The following PCDHA2 variants were observed in gnomAD, a reference collection of about 807,000 sequenced individuals.
PCDHA2 encodes the protein protocadherin alpha 2.
Under a neutral mutation model 66.0 loss-of-function variants are expected in PCDHA2, and 58 were observed. That is an observed-to-expected ratio of 0.88 (90% CI 0.71 to 1.09). PCDHA2 has a LOEUF of 1.09. PCDHA2 is among the 50% of genes least tolerant of loss of function. PCDHA2 has a pLI of 0.00. For synonymous variants in PCDHA2, 634 were observed against 554.0 expected (o/e 1.14, Z -2.03); for missense variants, 1,267 against 1,242.3 (o/e 1.02, Z -0.30).
chr5:140,905,248 C>A (rs143714633), intron 1 of PCDHA2, among the ~76,000 whole-genome samples: 43 of 152,208 alleles, frequency 2.8e-4, no homozygotes, highest in African/African-American at 8.7e-4. Context: ...TTCATTCTTC[C>A]ACATGAGGCT....
At chr5:140,966,267 G>T (rs141363782) in intron 1 of PCDHA2, 112 of 351,092 alleles carry the variant, frequency 3.2e-4, no homozygotes, top group Non-Finnish European at 4.7e-4. Context: ...GAGACTGGAT[G>T]AACTGGACAG....
At chr5:140,827,339 T>C (rs1769253765) in intron 1 of PCDHA2, among the ~76,000 whole-genome samples, 1 of 152,120 alleles carries the variant, frequency 6.6e-6, no homozygotes, top group Non-Finnish European at 1.5e-5. Context: ...AGTGGTGAAG[T>C]ATATGAAAAG....
At chr5:140,851,471 A>C in intron 1 of PCDHA2, 1 of 893,552 alleles carries the variant, frequency 1.1e-6, no homozygotes, top group African/African-American at 1.8e-5. Context: ...ATGTCAATAA[A>C]TGTTATAAAC....
intron 1 of PCDHA2, chr5:140,809,026 G>A (rs781872778): frequency 1.9e-6 from 3 of 1,613,446 alleles, no homozygotes; most frequent in Middle Eastern, 1.7e-4. Context: ...AGCTGCAGCC[G>A]GGGACTGGTG....
intron 1 of PCDHA2, among the ~76,000 whole-genome samples, chr5:140,837,365 T>C (rs1775021898): frequency 6.6e-6 from 1 of 152,028 alleles, no homozygotes; most frequent in African/African-American, 2.4e-5. Context: ...GGCAGTTTAA[T>C]AGTATTTTTT....
chr5:140,840,271 T>A (rs2150305298), intron 1 of PCDHA2, among the ~76,000 whole-genome samples: 3 of 152,098 alleles, frequency 2.0e-5, no homozygotes, highest in Non-Finnish European at 4.4e-5. Flanking sequence ...TTTTAATGAT[T>A]TGGGTTTTGG....
chr5:140,968,477 G>T, intron 1 of PCDHA2: 1 of 1,614,112 alleles, frequency 6.2e-7, no homozygotes, highest in Non-Finnish European at 8.5e-7. Flanking sequence ...ATATGTGGTG[G>T]ACATGAATGA....
chr5:140,945,828 A>T (rs2093847646), intron 1 of PCDHA2, among the ~76,000 whole-genome samples: 1 of 152,176 alleles, frequency 6.6e-6, no homozygotes, highest in Admixed American at 6.5e-5. Flanking sequence ...TACAAAAGTC[A>T]ACTCAAAATG....
intron 1 of PCDHA2, chr5:140,809,735 A>C: frequency 1.4e-6 from 1 of 727,052 alleles, no homozygotes; most frequent in Non-Finnish European, 2.2e-6. Context: ...CATCAGAGCA[A>C]TATATATTGC....
chr5:140,968,293 G>A, intron 1 of PCDHA2: 1 of 1,613,962 alleles, frequency 6.2e-7, no homozygotes, highest in South Asian at 1.1e-5. Flanking sequence ...ACTCCCTTCT[G>A]GAGAGGGAGA....
chr5:140,951,863 C>T (rs991949987), intron 1 of PCDHA2, among the ~76,000 whole-genome samples: 10 of 152,096 alleles, frequency 6.6e-5, no homozygotes, highest in Non-Finnish European at 7.3e-5. Flanking sequence ...TCCAAAGTCT[C>T]ATCTGAGACA....
chr5:140,809,401 G>T, intron 1 of PCDHA2: 3 of 1,614,182 alleles, frequency 1.9e-6, no homozygotes, highest in Non-Finnish European at 2.5e-6. Context: ...GCAAGCCCAC[G>T]CTGGTGTGCT....
At chr5:140,931,975 T>C (rs2087911858) in intron 1 of PCDHA2, among the ~76,000 whole-genome samples, 1 of 151,962 alleles carries the variant, frequency 6.6e-6, no homozygotes, top group Non-Finnish European at 1.5e-5. Flanking sequence ...CATATGTGTT[T>C]ATATTTTGCT....
chr5:140,809,283 A>T, intron 1 of PCDHA2: 1 of 1,614,104 alleles, frequency 6.2e-7, no homozygotes, highest in East Asian at 2.2e-5. Context: ...GTCAACGTAT[A>T]CCTGATCATT....
Position 141,010,368 on chromosome 5 carries a change from C to G in PCDHA2, c.*431C>G, listed in dbSNP as rs368481822. 3,124 of 1,471,046 alleles carry G rather than the reference C, an allele frequency of 2.1e-3. 5 individuals are homozygous for G. Among genetic ancestry groups the G allele is most frequent in the Middle Eastern group, 8.7e-3 (36 of 4,144 alleles). The allele number at this position is 1,471,046 out of a possible 1,614,324, so 91.1% of individuals were successfully genotyped here. A position where few individuals can be genotyped will look rare whatever the true frequency, so the allele number is the denominator to read the frequency against. On this transcript the variant is annotated 3_prime_UTR_variant, in exon 4 of 4. Coordinates refer to ENST00000526136, the MANE Select transcript of PCDHA2 (RefSeq NM_018905.3). ...GGTATGTGTGGCTACCGCGGGTATG[C>G]GAGTGCCAGATATTGGCTGAGACGA...
At chr5:140,915,083 C>T in intron 1 of PCDHA2, among the ~76,000 whole-genome samples, 1 of 151,628 alleles carries the variant, frequency 6.6e-6, no homozygotes, top group East Asian at 1.9e-4. Flanking sequence ...GTAGCTGGGA[C>T]TATGGGCACG....
intron 1 of PCDHA2, chr5:140,884,259 C>T (rs1554181391): frequency 1.9e-6 from 3 of 1,613,378 alleles, no homozygotes; most frequent in Admixed American, 1.7e-5. Flanking sequence ...GCCACGGCAA[C>T]GGTGCTGTTG....
rs1554168216 is a variant in PCDHA2, at chr5:140,876,040, A to G, written c.2388+78688A>G. 2 of 1,613,752 alleles carry G rather than the reference A, an allele frequency of 1.2e-6. No homozygotes were observed. Among genetic ancestry groups the G allele is most frequent in the African/African-American group, 1.3e-5 (1 of 74,922 alleles). ...AATAAAAACAAAAAAAGATAAAAGT[A>G]TATTGCCTGAATTAGTTCTTCGGAA... On this transcript the variant is annotated intron_variant, in intron 1 of 3. Coordinates refer to ENST00000526136, the MANE Select transcript of PCDHA2 (RefSeq NM_018905.3).
intron 1 of PCDHA2, among the ~76,000 whole-genome samples, chr5:140,818,377 G>A (rs2150101074): frequency 2.0e-5 from 3 of 152,204 alleles, no homozygotes; most frequent in Non-Finnish European, 2.9e-5. Context: ...AACTTGAATC[G>A]TGGCATTTTT....
Sources: gnomAD v4.1 joint callset for allele counts (sites outside exome capture counted in the v4.1 genomes callset) on GRCh38, gnomAD v4.1.1 for gene constraint, MANE v1.5 for transcripts, NCBI Gene and HGNC (gene_info 2026-07-23, HGNC 2026-07-21) for gene names.